The following NDUFS4 variants were observed in gnomAD, a reference collection of about 807,000 sequenced individuals.
NDUFS4 encodes the protein NADH dehydrogenase [ubiquinone] iron-sulfur protein 4, mitochondrial.
Under a neutral mutation model 24.3 loss-of-function variants are expected in NDUFS4, and 28 were observed. That is an observed-to-expected ratio of 1.15 (90% CI 0.85 to 1.58). The LOEUF is 1.58. Among genes scored for constraint, NDUFS4 ranks in the 40% most tolerant of loss-of-function variants. The probability of loss-of-function intolerance (pLI) is 0.00; values close to 1 mark genes in which losing one functional copy is unlikely to be tolerated. For missense variants in NDUFS4, 223 were observed against 207.9 expected (o/e 1.07, Z -0.45); for synonymous variants, 93 against 69.7 (o/e 1.34, Z -1.67).
chr5:53,655,072 G>A (rs1306101969), intron 3 of NDUFS4, among the ~76,000 whole-genome samples: 1 of 152,048 alleles, frequency 6.6e-6, no homozygotes, highest in African/African-American at 2.4e-5. Flanking sequence ...TGATATTGGA[G>A]GAAAAATATC....
intron 2 of NDUFS4, among the ~76,000 whole-genome samples, chr5:53,625,669 T>G (rs1192065965): frequency 6.6e-6 from 1 of 152,210 alleles, no homozygotes; most frequent in Non-Finnish European, 1.5e-5. Context: ...TTTTAGATAC[T>G]ATATTTTTCA....
At chr5:53,670,378 C>A (rs1011498010) in intron 4 of NDUFS4, among the ~76,000 whole-genome samples, 1 of 151,566 alleles carries the variant, frequency 6.6e-6, no homozygotes, top group Non-Finnish European at 1.5e-5. Flanking sequence ...GTGTTTAATT[C>A]GAATTTAGAT....
intron 3 of NDUFS4, among the ~76,000 whole-genome samples, chr5:53,653,764 T>C (rs1752086137): frequency 6.6e-6 from 1 of 152,142 alleles, no homozygotes. Flanking sequence ...TGTCCTTTGG[T>C]GAAATGTCAT....
intron 2 of NDUFS4, among the ~76,000 whole-genome samples, chr5:53,633,148 A>C (rs1057129397): frequency 4.6e-5 from 7 of 152,160 alleles, no homozygotes; most frequent in Non-Finnish European, 8.8e-5. Flanking sequence ...GAGTGCTATA[A>C]TCTGCTTATA....
chr5:53,590,047 G>A (rs1310899902), intron 1 of NDUFS4, among the ~76,000 whole-genome samples: 2 of 152,176 alleles, frequency 1.3e-5, no homozygotes, highest in Non-Finnish European at 2.9e-5. Flanking sequence ...GAATATGGGT[G>A]CCCAGCTGGA....
chr5:53,657,162 A>T (rs1270020891), intron 3 of NDUFS4, among the ~76,000 whole-genome samples: 2 of 152,186 alleles, frequency 1.3e-5, no homozygotes, highest in Admixed American at 1.3e-4. Context: ...GCCTGTCAAC[A>T]CTTATCAGAT....
intron 3 of NDUFS4, among the ~76,000 whole-genome samples, chr5:53,646,945 G>T (rs1380815353): frequency 6.6e-6 from 1 of 152,092 alleles, no homozygotes; most frequent in East Asian, 1.9e-4. Context: ...GCATCCACTA[G>T]GGGTTTTGGA....
chr5:53,562,857 A>C (rs1452658465), intron 1 of NDUFS4, among the ~76,000 whole-genome samples: 1 of 152,218 alleles, frequency 6.6e-6, no homozygotes, highest in Non-Finnish European at 1.5e-5. Context: ...AAACATTTGC[A>C]AATCATGTAA....
chr5:53,575,154 C>T (rs190728872), intron 1 of NDUFS4, among the ~76,000 whole-genome samples: 149 of 152,224 alleles, frequency 9.8e-4, no homozygotes, highest in Non-Finnish European at 1.7e-3. Flanking sequence ...TCCTTGAGGC[C>T]GAGTGCTTCT....
chr5:53,647,432 G>T (rs959176078), intron 3 of NDUFS4, among the ~76,000 whole-genome samples: 5 of 151,964 alleles, frequency 3.3e-5, no homozygotes, highest in African/African-American at 1.2e-4. Flanking sequence ...TGCCCGGGCT[G>T]GTCTCGAACT....
intron 2 of NDUFS4, among the ~76,000 whole-genome samples, chr5:53,625,760 A>T (rs937180999): frequency 2.0e-5 from 3 of 152,044 alleles, no homozygotes; most frequent in African/African-American, 7.2e-5. Flanking sequence ...CATTTTGTCC[A>T]TCTTTTTTCT....
chr5:53,577,781 T>G (rs568711969), intron 1 of NDUFS4, among the ~76,000 whole-genome samples: 1 of 152,254 alleles, frequency 6.6e-6, no homozygotes, highest in Non-Finnish European at 1.5e-5. Context: ...GATAGTTTCT[T>G]CTATATAATG....
chr5:53,678,875 T>C (rs1740564071), intron 4 of NDUFS4, among the ~76,000 whole-genome samples: 1 of 152,186 alleles, frequency 6.6e-6, no homozygotes, highest in African/African-American at 2.4e-5. Context: ...GAGTTTTATC[T>C]TTTTAGCTCA....
intron 3 of NDUFS4, among the ~76,000 whole-genome samples, chr5:53,649,241 G>A (rs1388039020): frequency 1.3e-5 from 2 of 152,080 alleles, no homozygotes; most frequent in Non-Finnish European, 2.9e-5. Context: ...GTGTACATGT[G>A]CAGGTTTGTT....
intron 4 of NDUFS4, among the ~76,000 whole-genome samples, chr5:53,661,236 A>G (rs1453051612): frequency 6.6e-6 from 1 of 152,166 alleles, no homozygotes; most frequent in Non-Finnish European, 1.5e-5. Context: ...CAGTTTTCCC[A>G]GCACCATTTC....
At chr5:53,657,942 A>AT (rs1752213249) in intron 3 of NDUFS4, among the ~76,000 whole-genome samples, 2 of 150,772 alleles carry the variant, frequency 1.3e-5, no homozygotes. Context: ...AAAAAAAAAA[A>AT]GAATAAAAGT....
At chr5:53,626,727 TGTTG>T (rs1751238912) in intron 2 of NDUFS4, among the ~76,000 whole-genome samples, 1 of 152,182 alleles carries the variant, frequency 6.6e-6, no homozygotes, top group Non-Finnish European at 1.5e-5. Context: ...TTGATGGGGC[TGTTG>T]GTTTTTTTTC....
intron 4 of NDUFS4, among the ~76,000 whole-genome samples, chr5:53,665,892 A>G (rs1752499487): frequency 6.6e-6 from 1 of 152,230 alleles, no homozygotes; most frequent in Admixed American, 6.5e-5. Context: ...TTGGAAATGC[A>G]GAAATCACCC....
intron 2 of NDUFS4, among the ~76,000 whole-genome samples, chr5:53,607,024 C>G (rs7448432): frequency 5.8e-4 from 89 of 152,218 alleles, no homozygotes; most frequent in African/African-American, 2.1e-3. Flanking sequence ...CATACTTTTT[C>G]TTTTTTCAAA....
Sources: gnomAD v4.1 joint callset for allele counts (sites outside exome capture counted in the v4.1 genomes callset) on GRCh38, gnomAD v4.1.1 for gene constraint, MANE v1.5 for transcripts, NCBI Gene and HGNC (gene_info 2026-07-23, HGNC 2026-07-21) for gene names.